Variants in BANF2 observed in about 807,000 individuals in gnomAD.
The protein encoded by BANF2 is barrier-to-autointegration factor-like protein.
In BANF2, 4 loss-of-function variants were observed where a neutral mutation model predicts 8.0. The observed-to-expected ratio is 0.50, with a 90% confidence interval of 0.25 to 1.14. The LOEUF is 1.14. Among genes scored for constraint, BANF2 ranks in the 50% most tolerant of loss-of-function variants. The pLI, the probability that BANF2 is intolerant of heterozygous loss-of-function variation, is 0.16. For synonymous variants in BANF2, 50 were observed against 40.6 expected, an observed-to-expected ratio of 1.23 and a Z score of -0.88; for missense variants, 96 against 107.5, an observed-to-expected ratio of 0.89 and a Z score of 0.47.
chr20:17,722,022 C>T (rs888317603), intron 1 of BANF2, among the ~76,000 whole-genome samples: 1 of 152,230 alleles, frequency 6.6e-6, no homozygotes, highest in Non-Finnish European at 1.5e-5. Flanking sequence ...TGTGACAACT[C>T]AAGTGTCTCT....
chr20:17,706,773 T>C (rs1030606941), intron 1 of BANF2, among the ~76,000 whole-genome samples: 2 of 152,212 alleles, frequency 1.3e-5, no homozygotes, highest in Admixed American at 1.3e-4. Context: ...CAGATGGCAG[T>C]GGCTCAGAGT....
chr20:17,731,940 C>T (rs989614932), intron 3 of BANF2, among the ~76,000 whole-genome samples: 40 of 151,770 alleles, frequency 2.6e-4, no homozygotes, highest in African/African-American at 9.4e-4. Flanking sequence ...GTGGCACGCA[C>T]CCGTAGTCCC....
At chr20:17,713,252 A>T (rs2037602367) in intron 1 of BANF2, among the ~76,000 whole-genome samples, 1 of 152,056 alleles carries the variant, frequency 6.6e-6, no homozygotes, top group Non-Finnish European at 1.5e-5. Context: ...CATTTTAAAA[A>T]GAAAGAATGA....
intron 3 of BANF2, among the ~76,000 whole-genome samples, chr20:17,725,633 T>A (rs1043070221): frequency 6.6e-6 from 1 of 152,242 alleles, no homozygotes; most frequent in Admixed American, 6.5e-5. Context: ...AAGAATGACC[T>A]CAAGGATATC....
intron 2 of BANF2, among the ~76,000 whole-genome samples, chr20:17,723,541 A>G (rs945589135): frequency 4.6e-5 from 7 of 152,224 alleles, no homozygotes; most frequent in Non-Finnish European, 1.5e-5. Flanking sequence ...TATTGTGTAA[A>G]CTGATTTACA....
intron 3 of BANF2, among the ~76,000 whole-genome samples, chr20:17,731,759 GAAAAAAAAAA>G (rs58645809): frequency 2.1e-5 from 2 of 95,060 alleles, no homozygotes; most frequent in Non-Finnish European, 3.9e-5. Flanking sequence ...CGTCTCTTAG[GAAAAAAAAAA>G]AAAAAAAAAA....
chr20:17,706,399 T>C (rs964529634), intron 1 of BANF2, among the ~76,000 whole-genome samples: 2 of 152,202 alleles, frequency 1.3e-5, no homozygotes, highest in Non-Finnish European at 2.9e-5. Flanking sequence ...AGCTGTTGGT[T>C]AGTTGGCTGA....
intron 1 of BANF2, chr20:17,693,767 G>T: frequency 6.5e-7 from 1 of 1,536,714 alleles, no homozygotes; most frequent in Non-Finnish European, 8.8e-7. Context: ...GGGAAAGGAG[G>T]CAAGGACAAA....
chr20:17,712,048 G>A (rs1298372240), intron 1 of BANF2: 3 of 152,664 alleles, frequency 2.0e-5, no homozygotes, highest in Admixed American at 2.0e-4. Flanking sequence ...TGGGGAGAGG[G>A]GACTTTGAAT....
At chr20:17,697,776 C>G (rs2037358850), upstream of BANF2, among the ~76,000 whole-genome samples, 2 of 152,284 alleles carry the variant, frequency 1.3e-5, no homozygotes, top group Admixed American at 1.3e-4. Flanking sequence ...CTCCAAATCT[C>G]ACGTTGAAAA....
chr20:17,703,357 C>A (rs905169021), intron 1 of BANF2, among the ~76,000 whole-genome samples: 1 of 152,212 alleles, frequency 6.6e-6, no homozygotes, highest in African/African-American at 2.4e-5. Flanking sequence ...CATCTCTGTG[C>A]CTGGAACAGC....
At chr20:17,703,641 C>A (rs762523574) in intron 1 of BANF2, among the ~76,000 whole-genome samples, 6 of 152,064 alleles carry the variant, frequency 3.9e-5, no homozygotes, top group Non-Finnish European at 8.8e-5. Flanking sequence ...AAGAAGGCCT[C>A]ACTCACACAG....
intron 3 of BANF2, among the ~76,000 whole-genome samples, chr20:17,729,644 G>A (rs974221242): frequency 3.9e-5 from 6 of 152,234 alleles, no homozygotes; most frequent in African/African-American, 1.4e-4. Context: ...GCTGAGGTGG[G>A]AGGATCACTT....
At chr20:17,726,641 C>T (rs897695749) in intron 3 of BANF2, among the ~76,000 whole-genome samples, 4 of 152,190 alleles carry the variant, frequency 2.6e-5, no homozygotes, top group African/African-American at 9.7e-5. Flanking sequence ...TACCCAGATC[C>T]AGCAATCAGA....
At chr20:17,732,793 G>A (rs987830173) in intron 3 of BANF2, among the ~76,000 whole-genome samples, 3 of 152,196 alleles carry the variant, frequency 2.0e-5, no homozygotes, top group African/African-American at 7.2e-5. Context: ...TCCCACCCCA[G>A]TAGCTGAATT....
intron 1 of BANF2, among the ~76,000 whole-genome samples, chr20:17,709,428 C>T (rs117103796): frequency 0.011 from 1,633 of 152,268 alleles, 21 homozygotes; most frequent in Middle Eastern, 0.014. Flanking sequence ...GGCATTCTGT[C>T]CAGCAAAGAA....
chr20:17,713,912 G>T (rs2037612514), intron 1 of BANF2, among the ~76,000 whole-genome samples: 1 of 152,098 alleles, frequency 6.6e-6, no homozygotes, highest in Admixed American at 6.5e-5. Flanking sequence ...CCACAATTAA[G>T]AATAAAAAGT....
At chr20:17,732,735 G>A (rs952332039) in intron 3 of BANF2, among the ~76,000 whole-genome samples, 6 of 152,204 alleles carry the variant, frequency 3.9e-5, no homozygotes. Context: ...CAGAGTGGTA[G>A]GAGGACAGGG....
At chr20:17,700,976 A>G (rs1160861841) in intron 1 of BANF2, among the ~76,000 whole-genome samples, 1 of 152,184 alleles carries the variant, frequency 6.6e-6, no homozygotes, top group Non-Finnish European at 1.5e-5. Flanking sequence ...TAGGGACCCC[A>G]TGATTTTAAG....
Sources: allele counts gnomAD v4.1 joint callset (sites outside exome capture counted in the v4.1 genomes callset), GRCh38; gene constraint gnomAD v4.1.1; transcripts MANE v1.5; gene names NCBI Gene and HGNC (gene_info 2026-07-23, HGNC 2026-07-21).